CD302: variants seen among roughly 807,000 people sequenced by gnomAD.
CD302 encodes the protein CD302 antigen.
A neutral mutation model predicts 26.5 loss-of-function variants in CD302; 23 were observed. The ratio of observed to expected loss-of-function variants is 0.87; its 90% CI spans 0.62 to 1.23. The LOEUF (loss-of-function observed/expected upper bound fraction) is 1.23. Ranked by LOEUF, CD302 falls within the 50% of genes most tolerant of loss-of-function variation. The probability of loss-of-function intolerance (pLI) is 0.00; values close to 1 mark genes in which losing one functional copy is unlikely to be tolerated. For missense variants in CD302, 290 were observed against 275.5 expected, an observed-to-expected ratio of 1.05 and a Z score of -0.37; for synonymous variants, 90 against 99.4, an observed-to-expected ratio of 0.91 and a Z score of 0.56.
At chr2:159,783,850 T>G (rs1261715870) in intron 1 of CD302, among the ~76,000 whole-genome samples, 1 of 152,220 alleles carries the variant, frequency 6.6e-6, no homozygotes, top group Non-Finnish European at 1.5e-5. Context: ...TCAAAAGTCT[T>G]AAGACTTTTA....
chr2:159,797,225 G>A (rs1007668726), intron 1 of CD302, among the ~76,000 whole-genome samples: 1 of 135,120 alleles, frequency 7.4e-6, no homozygotes, highest in East Asian at 2.7e-4. Context: ...CAAGGGGTGG[G>A]GGGGGGGAAT....
intron 4 of CD302, among the ~76,000 whole-genome samples, chr2:159,778,675 T>C (rs1242020003): frequency 6.6e-6 from 1 of 152,212 alleles, no homozygotes; most frequent in Non-Finnish European, 1.5e-5. Context: ...TTAAGCACCC[T>C]AAATTCATAT....
At chr2:159,778,621 A>C (rs1356237605) in intron 4 of CD302, among the ~76,000 whole-genome samples, 1 of 152,192 alleles carries the variant, frequency 6.6e-6, no homozygotes, top group East Asian at 1.9e-4. Flanking sequence ...GAAGGGGAAA[A>C]TACTGAGGAT....
chr2:159,772,552 A>G (rs986054434), intron 5 of CD302, among the ~76,000 whole-genome samples: 13 of 152,114 alleles, frequency 8.5e-5, no homozygotes, highest in African/African-American at 3.1e-4. Flanking sequence ...GTGTTTCCCT[A>G]AATTTCTGTA....
intron 5 of CD302, among the ~76,000 whole-genome samples, chr2:159,773,895 T>C (rs1708232247): frequency 6.6e-6 from 1 of 152,228 alleles, no homozygotes. Flanking sequence ...AAAATACTTT[T>C]TAGCCTAACA....
intron 5 of CD302, 149 bp downstream of exon 5, chr2:159,777,789 T>C (rs1046151190): frequency 5.2e-6 from 2 of 385,834 alleles, no homozygotes; most frequent in South Asian, 2.7e-5. Flanking sequence ...TTGAGTCTTA[T>C]TACTAAGAGA....
intron 1 of CD302, among the ~76,000 whole-genome samples, chr2:159,796,509 T>G (rs1380260232): frequency 1.3e-5 from 2 of 152,192 alleles, no homozygotes. Context: ...AATAGCCCCA[T>G]GAGTAAGTAT....
At chr2:159,794,269 C>CAATAAAAAAAAATAA (rs1708884740) in intron 1 of CD302, among the ~76,000 whole-genome samples, 1 of 108,420 alleles carries the variant, frequency 9.2e-6, no homozygotes, top group African/African-American at 3.6e-5. Context: ...TGTCTCAAAA[C>CAATAAAAAAAAATAA]AATAAAATAA....
At position 159,771,815 on chromosome 2, in the gene CD302, A is replaced by G. The variant is rs1708153666; in HGVS notation, c.*36T>C. 5.6e-6 allele frequency: 9 copies of G among 1,605,270 alleles called. No individual in the cohort carries two copies. Among genetic ancestry groups the G allele is most frequent in the South Asian group, 3.3e-5 (3 of 90,398 alleles). On this transcript the variant is annotated 3_prime_UTR_variant, in exon 6 of 6. Coordinates refer to ENST00000259053, the MANE Select transcript of CD302 (RefSeq NM_014880.5). ...TTTCCCAAGTTATCTCTGCCAGGGC[A>G]TTTTGTTGATGTCTTAGTGCAAGAT...
chr2:159,783,324 G>T, intron 2 of CD302, 35 bp downstream of exon 2: 2 of 1,509,732 alleles, frequency 1.3e-6, no homozygotes, highest in Non-Finnish European at 1.8e-6. Flanking sequence ...TCACTAATTT[G>T]TGAAAAAACA....
chr2:159,792,675 A>C (rs1457045868), intron 1 of CD302, among the ~76,000 whole-genome samples: 1 of 152,162 alleles, frequency 6.6e-6, no homozygotes, highest in Non-Finnish European at 1.5e-5. Context: ...TTTTGACTTC[A>C]CAAGTTTATT....
chr2:159,780,451 A>C (rs1708473835), intron 3 of CD302, among the ~76,000 whole-genome samples: 1 of 152,250 alleles, frequency 6.6e-6, no homozygotes, highest in Non-Finnish European at 1.5e-5. Flanking sequence ...ATAGTTAAAT[A>C]TTAATAGTAA....
At position 159,780,940 on chromosome 2, in the gene CD302, C is replaced by T. The variant is rs1455807552; in HGVS notation, c.237G>A (p.Leu79=). Residue 79 remains leucine (L), a synonymous_variant, in exon 3 of 6, where the codon TTG becomes TTA. Coordinates refer to ENST00000259053, the MANE Select transcript of CD302 (RefSeq NM_014880.5). ...EEENAFILDT[L]KKQWKGPDDI... ...CATCTGGGCCTTTCCATTGCTTTTTCAAAGTATCCAGTATAAAAGCATTTT... is the reference window on the plus strand; with the variant it reads ...CATCTGGGCCTTTCCATTGCTTTTTTAAAGTATCCAGTATAAAAGCATTTT... 3.7e-6 allele frequency: 6 copies of T among 1,613,512 alleles called. No homozygotes were observed. In the African/African-American group the frequency reaches 6.7e-5, roughly 18 times the overall value.
intron 1 of CD302, among the ~76,000 whole-genome samples, chr2:159,789,065 TG>T (rs1211915294): frequency 6.6e-6 from 1 of 152,070 alleles, no homozygotes; most frequent in Non-Finnish European, 1.5e-5. Flanking sequence ...TCACCCAGGC[TG>T]GGGTACAATG....
intron 1 of CD302, among the ~76,000 whole-genome samples, chr2:159,784,801 G>A (rs1708621972): frequency 6.6e-6 from 1 of 152,060 alleles, no homozygotes; most frequent in African/African-American, 2.4e-5. Flanking sequence ...AGCATTGGTT[G>A]TCCCCAGTAC....
chr2:159,770,195 C>A lies in CD302; in HGVS notation c.*1656G>T, dbSNP rs1560037309. 2 of 152,026 alleles carry A rather than the reference C, an allele frequency of 1.3e-5. No homozygotes were observed. Among genetic ancestry groups the A allele is most frequent in the Non-Finnish European group, 2.9e-5 (2 of 68,026 alleles). The allele number at this position is 152,026 out of a possible 1,614,324, so 9.4% of individuals were successfully genotyped here. The stretch of plus-strand genomic sequence containing the variant: ...TGGGTAGGAAAACCAGGCAGGAATT[C>A]CAGGGTAGTGTTCAATATTGACATT... On this transcript the variant is annotated 3_prime_UTR_variant, in exon 6 of 6. Coordinates refer to ENST00000259053, the MANE Select transcript of CD302 (RefSeq NM_014880.5).
At chr2:159,777,253 T>C (rs552652883) in intron 5 of CD302, among the ~76,000 whole-genome samples, 176 of 152,204 alleles carry the variant, frequency 1.2e-3, no homozygotes, top group Non-Finnish European at 2.0e-3. Context: ...ACAAAAGATA[T>C]ACAAATAAAT....
At chr2:159,790,181 A>G (rs535542625) in intron 1 of CD302, among the ~76,000 whole-genome samples, 6 of 152,328 alleles carry the variant, frequency 3.9e-5, no homozygotes, top group African/African-American at 1.4e-4. Context: ...AAAGTCTTCT[A>G]CACTTGAAGT....
intron 5 of CD302, among the ~76,000 whole-genome samples, chr2:159,774,155 C>G (rs899294934): frequency 2.6e-5 from 4 of 151,920 alleles, no homozygotes; most frequent in Non-Finnish European, 5.9e-5. Flanking sequence ...ATTTTTCAGA[C>G]GACTGCTTCC....
Sources: gnomAD v4.1 joint callset for allele counts (sites outside exome capture counted in the v4.1 genomes callset) on GRCh38, gnomAD v4.1.1 for gene constraint, MANE v1.5 for transcripts, NCBI Gene and HGNC (gene_info 2026-07-23, HGNC 2026-07-21) for gene names.